PRKDC: variants seen among roughly 807,000 people sequenced by gnomAD.
The protein encoded by PRKDC is protein kinase, DNA-activated, catalytic subunit.
A neutral mutation model predicts 486.9 loss-of-function variants in PRKDC; 82 were observed. That is an observed-to-expected ratio of 0.17 (90% CI 0.14 to 0.20). The LOEUF is 0.20. Ranked by LOEUF, PRKDC falls within the 10% of genes least tolerant of loss-of-function variation. PRKDC has a pLI of 1.00. For missense variants in PRKDC, 4,504 were observed against 5,038.2 expected, an observed-to-expected ratio of 0.89 and a Z score of 3.21; for synonymous variants, 1,895 against 1,837.0, an observed-to-expected ratio of 1.03 and a Z score of -0.81.
chr8:47,879,705 A>G (rs1212018923), intron 38 of PRKDC, 47 bp from the exon 39 acceptor site: 5 of 1,426,582 alleles, frequency 3.5e-6, no homozygotes, highest in Non-Finnish European at 4.6e-6. Context: ...TATGGCTTAT[A>G]TATCCTACAG....
chr8:47,925,448 A>G (rs762009512), intron 21 of PRKDC, among the ~76,000 whole-genome samples: 1 of 152,246 alleles, frequency 6.6e-6, no homozygotes, highest in Non-Finnish European at 1.5e-5. Flanking sequence ...GAGAACTAAG[A>G]AAGGTTGAAG....
intron 39 of PRKDC, among the ~76,000 whole-genome samples, chr8:47,879,047 A>C (rs938071655): frequency 2.6e-5 from 4 of 152,238 alleles, no homozygotes; most frequent in South Asian, 4.1e-4. Flanking sequence ...TACTCTATTA[A>C]ATTTTAGAAA....
chr8:47,863,342 A>G (rs1178290169), intron 42 of PRKDC, 57 bp downstream of exon 42: 4 of 1,359,460 alleles, frequency 2.9e-6, no homozygotes, highest in Non-Finnish European at 4.1e-6. Flanking sequence ...ACATAAAAAT[A>G]TATGTACCCA....
At chr8:47,914,155 C>T in intron 23 of PRKDC, 91 bp from the exon 24 acceptor site, 2 of 1,152,190 alleles carry the variant, frequency 1.7e-6, no homozygotes, top group South Asian at 5.9e-5. Flanking sequence ...CTAATGCCAG[C>T]TGTTCTACAT....
rs765890412 is a variant in PRKDC at position 47,837,208 on chromosome 8, T to C, written c.7761+4A>G. On this transcript the variant is annotated splice_donor_region_variant and intron_variant, in intron 57 of 85. Transcript: ENST00000314191. ...CACTACTATGAGAGAGAAGACCACA[T>C]TACCTGAAATTCGCATTCTGACAGA... 3.1e-6 allele frequency: 5 copies of C among 1,608,732 alleles called. No individual in the cohort carries two copies. The Admixed American group carries it at 8.3e-5, about 27-fold the overall frequency.
chr8:47,927,978 C>A (rs2090181209), intron 19 of PRKDC, 88 bp from the exon 20 acceptor site: 3 of 1,207,070 alleles, frequency 2.5e-6, no homozygotes, highest in Non-Finnish European at 3.2e-6. Flanking sequence ...TTCTCAAATA[C>A]AAAAATTGGC....
chr8:47,836,681 T>C (rs1474167034), intron 57 of PRKDC, among the ~76,000 whole-genome samples, 154 bp from the exon 58 acceptor site: 1 of 152,224 alleles, frequency 6.6e-6, no homozygotes, highest in East Asian at 1.9e-4. Context: ...CCTTCTCTAA[T>C]TTAAAAGTTT....
At chr8:47,862,635 A>G in intron 42 of PRKDC, 94 bp from the exon 43 acceptor site, 2 of 1,269,862 alleles carry the variant, frequency 1.6e-6, no homozygotes, top group South Asian at 1.6e-5. Flanking sequence ...AATGCCATTC[A>G]GCCTTTCTCG....
rs373353749 is a variant in PRKDC, at chr8:47,849,164, T to C, written c.7270A>G (p.Met2424Val). 5.6e-6 allele frequency: 9 copies of C among 1,613,924 alleles called. No individual in the cohort carries two copies. The highest frequency in any genetic ancestry group is 2.2e-5 in the East Asian group (1 of 44,902). The change falls in exon 54 of 86, where the codon ATG (methionine) becomes GTG (valine). Residue 2424 changes from methionine to valine, a missense_variant. Met to Val is a conservative substitution (Grantham distance 21). Around this residue, in one of 6 missense-constraint regions of PRKDC, gnomAD observed 1,592 missense variants for 1,724.6 expected, o/e 0.92. Coordinates refer to ENST00000314191, the MANE Select transcript of PRKDC (RefSeq NM_006904.7). ...QLKSKDFVQVMRHRDDERQKV... is the reference protein window; with the variant it reads ...QLKSKDFVQVVRHRDDERQKV... ...CTAGTGTTCACTCACCTATGTCTCA[T>C]GACTTGAACGAAGTCCTTGCTCTTT...
intron 74 of PRKDC, 74 bp from the exon 75 acceptor site, chr8:47,789,312 CATAT>C: frequency 3.3e-6 from 2 of 613,602 alleles, no homozygotes; most frequent in South Asian, 3.9e-5. Context: ...ATATACCATA[CATAT>C]ATAAGTTATA....
intron 74 of PRKDC, among the ~76,000 whole-genome samples, chr8:47,789,520 A>G (rs1311487643): frequency 6.6e-6 from 1 of 152,098 alleles, no homozygotes; most frequent in Non-Finnish European, 1.5e-5. Flanking sequence ...ATTCCAAAAC[A>G]CAAGGGAGGA....
chr8:47,773,960 C>T lies in PRKDC; in HGVS notation c.*213G>A. ...ATATCTATCTTTCTATAAACCTCAC[C>T]TAATCTTTGATGTTACTATAACCTT... On this transcript the variant is annotated 3_prime_UTR_variant, in exon 86 of 86. Coordinates refer to ENST00000314191, the MANE Select transcript of PRKDC (RefSeq NM_006904.7). The T allele has an allele frequency of 2.0e-6, 1 of 493,742 alleles. No homozygotes were observed. Among genetic ancestry groups the T allele is most frequent in the Non-Finnish European group, 3.5e-6 (1 of 283,172 alleles). 30.6% of individuals were successfully genotyped at this position (493,742 alleles called of 1,614,324 possible).
At chr8:47,882,512 G>T (rs2089241959) in intron 36 of PRKDC, among the ~76,000 whole-genome samples, 1 of 151,720 alleles carries the variant, frequency 6.6e-6, no homozygotes, top group Non-Finnish European at 1.5e-5. Flanking sequence ...CAAGCACACA[G>T]ATGTACACAC....
intron 41 of PRKDC, 123 bp downstream of exon 41, chr8:47,864,433 C>G: frequency 1.2e-6 from 1 of 852,822 alleles, no homozygotes; most frequent in Non-Finnish European, 1.8e-6. Context: ...CATGTAGCCA[C>G]AGACTGTTAT....
chr8:47,819,917 C>G (rs1249079563), intron 66 of PRKDC, among the ~76,000 whole-genome samples: 3 of 152,156 alleles, frequency 2.0e-5, no homozygotes, highest in Non-Finnish European at 2.9e-5. Flanking sequence ...GAATATGCTT[C>G]TATGCTAAAT....
chr8:47,879,439 C>T, intron 39 of PRKDC, 52 bp downstream of exon 39: 1 of 1,445,450 alleles, frequency 6.9e-7, no homozygotes, highest in Non-Finnish European at 9.2e-7. Context: ...AGATATGTAA[C>T]AAGAAAAAAA....
At chr8:47,775,603 C>A (rs1184696682) in intron 85 of PRKDC, among the ~76,000 whole-genome samples, 1 of 151,682 alleles carries the variant, frequency 6.6e-6, no homozygotes, top group African/African-American at 2.4e-5. Flanking sequence ...TTAATGTATT[C>A]TAGATACAAG....
rs566630146 is a variant in PRKDC, at chr8:47,918,282, A to C, written c.2521T>G (p.Ser841Ala). 7.6e-6 allele frequency: 12 copies of C among 1,574,338 alleles called. No homozygotes were observed. In the African/African-American group the frequency reaches 8.1e-5, roughly 11 times the overall value. ...LKHLKKTKNLSSNEAISLEEI... is the reference protein window; with the variant it reads ...LKHLKKTKNLASNEAISLEEI... ...AAATACAAAGGACTTCTTACTGATG[A>C]AAGGTTCTTTGTCTTCTTCAGATGC... Residue 841 changes from serine (S) to alanine (A), a missense_variant, in exon 22 of 86, where the codon TCA becomes GCA. Transcript: ENST00000314191.
In PRKDC at chr8:47,937,351, A is replaced by C. The variant is rs2090369590; in HGVS notation, c.1114-834T>G. Among the ~76,000 whole-genome samples, 2 of 152,202 alleles carry C rather than the reference A, an allele frequency of 1.3e-5. 1 individual carries two copies. The highest frequency in any genetic ancestry group is 4.1e-4 in the South Asian group (2 of 4,834). On this transcript the variant is annotated intron_variant, in intron 11 of 85. Coordinates refer to ENST00000314191, the MANE Select transcript of PRKDC (RefSeq NM_006904.7). Reference sequence around the variant, plus strand: ...ATTTTAAATATTTATTCACACAGGAAGCATTTATTGGTTGTCAGCTATGTT... The same window carrying C: ...ATTTTAAATATTTATTCACACAGGACGCATTTATTGGTTGTCAGCTATGTT...
Sources: allele counts gnomAD v4.1 joint callset (sites outside exome capture counted in the v4.1 genomes callset), GRCh38; gene constraint gnomAD v4.1.1; regional missense constraint gnomAD v4.1.1; transcripts MANE v1.5; gene names NCBI Gene and HGNC (gene_info 2026-07-23, HGNC 2026-07-21).